Variants in CA3 observed in about 807,000 individuals in gnomAD.
CA3 encodes the protein CA-III.
In CA3, 30 loss-of-function variants were observed where a neutral mutation model predicts 35.7. That is an observed-to-expected ratio of 0.84 (90% CI 0.63 to 1.14). The LOEUF is 1.14. Among genes scored for constraint, CA3 ranks in the 50% most tolerant of loss-of-function variants. The probability of loss-of-function intolerance (pLI) is 0.00; values close to 1 mark genes in which losing one functional copy is unlikely to be tolerated. For missense variants in CA3, 295 were observed against 328.5 expected, an observed-to-expected ratio of 0.90 and a Z score of 0.79; for synonymous variants, 131 against 130.8, an observed-to-expected ratio of 1.00 and a Z score of -0.01.
At chr8:85,439,528 G>C (rs1478944782) in intron 1 of CA3, among the ~76,000 whole-genome samples, 184 bp from the exon 2 acceptor site, 2 of 152,194 alleles carry the variant, frequency 1.3e-5, no homozygotes, top group East Asian at 3.8e-4. Context: ...GTCTCCATGT[G>C]TGCTATTCAC....
At chr8:85,439,663 C>A in intron 1 of CA3, 49 bp from the exon 2 acceptor site, 1 of 1,422,358 alleles carries the variant, frequency 7.0e-7, no homozygotes, top group Non-Finnish European at 9.8e-7. Flanking sequence ...AGAAAGAGGC[C>A]TTGGGTTGTG....
intron 6 of CA3, 100 bp downstream of exon 6, chr8:85,446,397 G>A (rs1811292171): frequency 1.5e-6 from 2 of 1,338,592 alleles, no homozygotes; most frequent in African/African-American, 1.4e-5. Flanking sequence ...GATACTCACT[G>A]AACAGCTCTA....
Position 85,448,275 on chromosome 8 carries a change from TGA to T in CA3, c.*127_*128del, listed in dbSNP as rs1811321530. 8.1e-6 allele frequency: 8 copies of T among 983,346 alleles called. No individual in the cohort carries two copies. The highest frequency in any genetic ancestry group is 2.3e-4 in the Middle Eastern group (1 of 4,366). The allele number at this position is 983,346 out of a possible 1,614,324, so 60.9% of individuals were successfully genotyped here. On this transcript the variant is annotated 3_prime_UTR_variant, in exon 7 of 7. Coordinates refer to ENST00000285381, the MANE Select transcript of CA3 (RefSeq NM_005181.4). ...ATTTTTCCACACTGAGCAATGAATG[TGA>T]GAGATGTGGTCACCAAGATCTAAGT...
intron 4 of CA3, 80 bp downstream of exon 4, chr8:85,444,206 C>T (rs1811246903): frequency 1.2e-6 from 1 of 838,480 alleles, no homozygotes; most frequent in East Asian, 2.6e-5. Flanking sequence ...GTTTCATTTC[C>T]TCATTTTTAC....
At chr8:85,447,916 C>A (rs1211843817) in intron 6 of CA3, 118 bp from the exon 7 acceptor site, 26 of 978,484 alleles carry the variant, frequency 2.7e-5, no homozygotes, top group Non-Finnish European at 3.5e-5. Flanking sequence ...AACAAACAAA[C>A]AAACAAACAA....
chr8:85,439,576 T>A (rs907461129), intron 1 of CA3, 136 bp from the exon 2 acceptor site: 2 of 617,020 alleles, frequency 3.2e-6, no homozygotes, highest in East Asian at 5.5e-5. Context: ...GCTAAGTCTC[T>A]TATTGCCCAG....
At chr8:85,438,981 G>A (rs1177675835) in intron 1 of CA3, 38 bp downstream of exon 1, 6 of 1,549,516 alleles carry the variant, frequency 3.9e-6, no homozygotes, top group South Asian at 3.6e-5. Flanking sequence ...AGGAAGGGAT[G>A]CCAGTCCAGG....
chr8:85,439,380 A>G (rs967303794), intron 1 of CA3, among the ~76,000 whole-genome samples: 1 of 152,144 alleles, frequency 6.6e-6, no homozygotes, highest in Admixed American at 6.5e-5. Flanking sequence ...CCCACAACAC[A>G]ATGCTCAAAT....
chr8:85,439,212 C>T (rs1371141379), intron 1 of CA3, among the ~76,000 whole-genome samples: 1 of 152,154 alleles, frequency 6.6e-6, no homozygotes, highest in Non-Finnish European at 1.5e-5. Flanking sequence ...GATCCCATTG[C>T]CTCTGAGAAG....
intron 4 of CA3, among the ~76,000 whole-genome samples, chr8:85,444,503 T>A (rs1442420553): frequency 1.3e-5 from 2 of 152,184 alleles, no homozygotes; most frequent in Non-Finnish European, 2.9e-5. Context: ...ACCAGAAAAG[T>A]CAGTGTTGGG....
In CA3 at chr8:85,442,067, TCA is replaced by T. The variant is rs1811214461; in HGVS notation, c.233-3_233-2del. 7.5e-7 allele frequency: 1 copy of T among 1,333,940 alleles called. No individual in the cohort carries two copies. Among genetic ancestry groups the T allele is most frequent in the African/African-American group, 1.4e-5 (1 of 69,378 alleles). 82.6% of individuals were successfully genotyped at this position (1,333,940 alleles called of 1,614,324 possible). ...TCACTGTTGACCAAGCTTATCTGAA[TCA>T]CAGTGCTGAGAGGGGGTCCTCTCCC... is the stretch of plus-strand genomic sequence containing the variant. On this transcript the variant is annotated splice_region_variant and splice_polypyrimidine_tract_variant and intron_variant, in intron 2 of 6. Coordinates refer to ENST00000285381, the MANE Select transcript of CA3 (RefSeq NM_005181.4).
chr8:85,439,720 C>T lies in CA3; in HGVS notation c.43C>T (p.His15Tyr), dbSNP rs1323632911. 3.1e-6 allele frequency: 5 copies of T among 1,612,956 alleles called. No individual in the cohort carries two copies. The highest frequency in any genetic ancestry group is 2.5e-6 in the Non-Finnish European group (3 of 1,179,484). ...TCGACTTTATTTCCTAGGTCCTGAC[C>T]ACTGGCATGAACTTTTCCCAAATGC... ...WGYASHNGPD[H>Y]WHELFPNAKG... Residue 15 changes from histidine (H) to tyrosine (Y), a missense_variant, in exon 2 of 7, where the codon CAC (histidine) becomes TAC (tyrosine). Coordinates refer to ENST00000285381, the MANE Select transcript of CA3 (RefSeq NM_005181.4).
chr8:85,440,003 G>A lies in CA3; in HGVS notation c.232+94G>A, dbSNP rs952518131. On this transcript the variant is annotated intron_variant, in intron 2 of 6. Transcript: ENST00000285381. ...GACACAGTACCAGAATTAATGGGGA[G>A]AGGGAGCACTTTATCTTTTAAAATG... The A allele has an allele frequency of 8.1e-6, 7 of 868,460 alleles. No individual in the cohort carries two copies. The Middle Eastern group carries it at 1.0e-3, about 124-fold the overall frequency. The allele number at this position is 868,460 out of a possible 1,614,324, so 53.8% of individuals were successfully genotyped here.
At position 85,439,843 on chromosome 8, in the gene CA3, G is replaced by C. The variant is rs749866431; in HGVS notation, c.166G>C (p.Ala56Pro). 13 of 1,613,936 alleles carry C rather than the reference G, an allele frequency of 8.1e-6. No homozygotes were observed. The Admixed American group carries it at 2.2e-4, about 27-fold the overall frequency. Residue 56 changes from alanine to proline, a missense_variant, in exon 2 of 7, where the codon GCC becomes CCC. Ala to Pro is a conservative substitution (Grantham distance 27). Coordinates refer to ENST00000285381, the MANE Select transcript of CA3 (RefSeq NM_005181.4). ...PWSVSYDGGS[A>P]KTILNNGKTC... is the part of the protein sequence containing the mutation. ...GTCTGTGTCTTATGATGGTGGCTCT[G>C]CCAAGACCATCCTGAATAATGGGAA...
intron 5 of CA3, among the ~76,000 whole-genome samples, chr8:85,445,629 G>A (rs1426883529): frequency 6.6e-6 from 1 of 152,004 alleles, no homozygotes; most frequent in Non-Finnish European, 1.5e-5. Context: ...AGCTTTCTGG[G>A]AAGCACTTAA....
In CA3 at chr8:85,446,151, G is replaced by T. The variant is rs1811286959; in HGVS notation, c.517G>T (p.Ala173Ser). The change falls in exon 6 of 7, where the codon GCG becomes TCG. Residue 173 changes from alanine to serine, a missense_variant. Ala to Ser is a moderately conservative substitution (Grantham distance 99). Coordinates refer to ENST00000285381, the MANE Select transcript of CA3 (RefSeq NM_005181.4). ...LDKIKTKGKE[A>S]PFTKFDPSCL... ...ACCTGCTCTTACCCAGGGCAAGGAG[G>T]CGCCCTTCACAAAGTTTGACCCATC... The T allele has an allele frequency of 4.4e-6, 7 of 1,608,868 alleles. No individual in the cohort carries two copies. In the South Asian group the frequency reaches 6.7e-5, roughly 15 times the overall value.
chr8:85,441,887 C>A (rs1029829305), intron 2 of CA3, 186 bp from the exon 3 acceptor site: 5 of 553,706 alleles, frequency 9.0e-6, no homozygotes, highest in African/African-American at 3.8e-5. Context: ...AAAGAACAAT[C>A]ATTTATCTTG....
chr8:85,440,761 A>G (rs1426441535), intron 2 of CA3, among the ~76,000 whole-genome samples: 1 of 152,194 alleles, frequency 6.6e-6, no homozygotes, highest in East Asian at 1.9e-4. Flanking sequence ...TGATTTTGTA[A>G]TGAAGAATGA....
rs756231229 is a variant in CA3, at chr8:85,439,957, T to C, written c.232+48T>C. 6.8e-6 allele frequency: 10 copies of C among 1,460,926 alleles called. No individual in the cohort carries two copies. The South Asian group carries it at 1.0e-4, about 15-fold the overall frequency. The allele number at this position is 1,460,926 out of a possible 1,614,324, so 90.5% of individuals were successfully genotyped here. ...ATCACATGGATGTTTTCAAGGTCCA[T>C]ATTGACAAAATGTGGTTTATGACAC... On this transcript the variant is annotated intron_variant, in intron 2 of 6. Transcript: ENST00000285381.
Sources: allele counts gnomAD v4.1 joint callset (sites outside exome capture counted in the v4.1 genomes callset), GRCh38; gene constraint gnomAD v4.1.1; transcripts MANE v1.5; gene names NCBI Gene and HGNC (gene_info 2026-07-23, HGNC 2026-07-21).